The following SPHKAP variants were observed in gnomAD, a reference collection of about 807,000 sequenced individuals.
SPHKAP encodes the protein A-kinase anchor protein SPHKAP.
Under a neutral mutation model 137.5 loss-of-function variants are expected in SPHKAP, and 67 were observed. The observed-to-expected ratio is 0.49, with a 90% confidence interval of 0.40 to 0.60. The LOEUF (loss-of-function observed/expected upper bound fraction) is 0.60. Among genes scored for constraint, SPHKAP ranks in the 20% least tolerant of loss-of-function variants. The probability of loss-of-function intolerance (pLI) is 0.00; values close to 1 mark genes in which losing one functional copy is unlikely to be tolerated. For synonymous variants in SPHKAP, 813 were observed against 785.3 expected, an observed-to-expected ratio of 1.04 and a Z score of -0.59; for missense variants, 2,097 against 2,069.3, an observed-to-expected ratio of 1.01 and a Z score of -0.26.
rs1700913541 is a variant in SPHKAP at position 228,181,528 on chromosome 2, A to G, written c.32+39T>C. The G allele has an allele frequency of 1.9e-6, 3 of 1,614,088 alleles. No homozygotes were observed. The highest frequency in any genetic ancestry group is 1.7e-6 in the Non-Finnish European group (2 of 1,179,986). ...GACTCACAACGCGGAACGGAGTTTG[A>G]TCGACATGGTATTGGGCATAGAAAG... On this transcript the variant is annotated intron_variant, in intron 1 of 11. Transcript: ENST00000392056. The surrounding 1 kb of genome is among the most constrained non-coding windows in gnomAD (Gnocchi z 4.3).
At chr2:228,104,535 G>A (rs1013566171) in intron 3 of SPHKAP, among the ~76,000 whole-genome samples, 4 of 151,620 alleles carry the variant, frequency 2.6e-5, no homozygotes, top group East Asian at 1.9e-4. Context: ...TATAAAATAC[G>A]AATTATATGA....
intron 3 of SPHKAP, among the ~76,000 whole-genome samples, chr2:228,032,609 G>A (rs900831706): frequency 1.8e-4 from 27 of 152,298 alleles, no homozygotes; most frequent in Admixed American, 1.7e-3. Context: ...AGGAAAAAAT[G>A]TTAAGGGCAG....
chr2:228,093,802 GT>G (rs1323625052), intron 3 of SPHKAP, among the ~76,000 whole-genome samples: 69 of 139,106 alleles, frequency 5.0e-4, no homozygotes, highest in African/African-American at 1.8e-3. Context: ...AGAGGTTGCA[GT>G]GAGCCGAGAT....
chr2:228,134,838 T>A (rs1222669908), intron 1 of SPHKAP, among the ~76,000 whole-genome samples: 1 of 152,146 alleles, frequency 6.6e-6, no homozygotes, highest in Non-Finnish European at 1.5e-5. Context: ...ATGCAGGCCA[T>A]CCCTGGACTT....
intron 3 of SPHKAP, among the ~76,000 whole-genome samples, chr2:228,084,904 T>C (rs954757503): frequency 6.6e-6 from 1 of 152,218 alleles, no homozygotes; most frequent in Non-Finnish European, 1.5e-5. Context: ...TTGAAGCCTG[T>C]GGCATTGATT....
intron 2 of SPHKAP, among the ~76,000 whole-genome samples, chr2:228,110,196 T>C (rs1574857974): frequency 6.6e-6 from 1 of 151,978 alleles, no homozygotes; most frequent in East Asian, 1.9e-4. Flanking sequence ...TCTTTTTCTG[T>C]AAAGACAGAA....
At chr2:228,007,168 T>C (rs1694175208) in intron 7 of SPHKAP, among the ~76,000 whole-genome samples, 1 of 152,194 alleles carries the variant, frequency 6.6e-6, no homozygotes. Context: ...CTTTTGATCA[T>C]TTTTCAAGTT....
chr2:228,181,677 A>G lies in SPHKAP; in HGVS notation c.-79T>C, dbSNP rs1182278547. 3 of 1,613,520 alleles carry G rather than the reference A, an allele frequency of 1.9e-6. No homozygotes were observed. Among genetic ancestry groups the G allele is most frequent in the South Asian group, 1.1e-5 (1 of 91,076 alleles). On this transcript the variant is annotated 5_prime_UTR_variant, in exon 1 of 12. Transcript: ENST00000392056. The surrounding 1 kb of genome is among the most constrained non-coding windows in gnomAD (Gnocchi z 4.3). ...TGTGGTGCTAGGACCCAGCTCCCAG[A>G]GTGCCAGACTGGCGCGCGCCAGGAG...
Position 228,035,902 on chromosome 2 carries a change from C to A in SPHKAP, c.247-8359G>T, listed in dbSNP as rs10210779. Among the ~76,000 whole-genome samples the A allele has an allele frequency of 3.1e-3, 467 of 151,650 alleles. 8 individuals carry two copies. Among genetic ancestry groups the A allele is most frequent in the African/African-American group, 0.01 (419 of 41,290 alleles). ...TAATTCAAGATGGATTAAAGACTTA[C>A]ATGTTAGACCTAAAACCATAAAAAC... On this transcript the variant is annotated intron_variant, in intron 3 of 11. Transcript: ENST00000392056.
chr2:228,019,405 G>A lies in SPHKAP; in HGVS notation c.1449C>T (p.Leu483=), dbSNP rs377235532. 3.1e-6 allele frequency: 5 copies of A among 1,614,084 alleles called. No homozygotes were observed. The highest frequency in any genetic ancestry group is 1.7e-5 in the Admixed American group (1 of 60,012). ...GTTGTCTGCTGGAGTTCTCTCCAGA[G>A]AGGATGCTTGAGGTTTCAACAGAGA... The part of the protein sequence containing the change: ...MEVSVETSSI[L]SGENSSRQPQ... Residue 483 remains leucine (L), a synonymous_variant, in exon 7 of 12, where the codon CTC becomes CTT. Transcript: ENST00000392056.
chr2:228,080,351 T>C (rs1697322916), intron 3 of SPHKAP, among the ~76,000 whole-genome samples: 1 of 152,146 alleles, frequency 6.6e-6, no homozygotes, highest in South Asian at 2.1e-4. Flanking sequence ...GACATACAAA[T>C]GGACAACAAG....
At chr2:228,136,425 T>C (rs1699442019) in intron 1 of SPHKAP, among the ~76,000 whole-genome samples, 1 of 152,226 alleles carries the variant, frequency 6.6e-6, no homozygotes, top group Admixed American at 6.5e-5. Context: ...ATTTCATATA[T>C]TAATAAATGA....
intron 3 of SPHKAP, among the ~76,000 whole-genome samples, chr2:228,042,687 C>T (rs1025751678): frequency 1.3e-5 from 2 of 152,090 alleles, no homozygotes; most frequent in African/African-American, 4.8e-5. Flanking sequence ...TGGCTCCTTG[C>T]CTGTAATTAT....
At chr2:228,123,902 C>A (rs941262821) in intron 2 of SPHKAP, among the ~76,000 whole-genome samples, 1 of 152,080 alleles carries the variant, frequency 6.6e-6, no homozygotes, top group Non-Finnish European at 1.5e-5. Context: ...AATGAAACAA[C>A]CCCATCAAAA....
chr2:228,066,476 G>A (rs1696831246), intron 3 of SPHKAP, among the ~76,000 whole-genome samples: 1 of 152,242 alleles, frequency 6.6e-6, no homozygotes, highest in African/African-American at 2.4e-5. Context: ...GTGCCTATTT[G>A]AAGTTTATCC....
intron 1 of SPHKAP, among the ~76,000 whole-genome samples, 166 bp from the exon 2 acceptor site, chr2:228,132,251 C>A (rs895764396): frequency 6.6e-6 from 1 of 152,224 alleles, no homozygotes; most frequent in African/African-American, 2.4e-5. Flanking sequence ...GTTGCATACA[C>A]TTTTGTAATT....
In SPHKAP at chr2:228,019,694, G is replaced by A; in HGVS notation, c.1160C>T (p.Thr387Ile). 1 of 1,614,222 alleles carries A rather than the reference G, an allele frequency of 6.2e-7. No homozygotes were observed. The part of the protein sequence containing the change: ...ALPPRQDGEV[T>I]TGKYATNLAE... ...TAAATTTGTAGCATACTTGCCAGTG[G>A]TGACTTCTCCATCTTGTCTAGGAGG... The change falls in exon 7 of 12, where the codon ACC (threonine) becomes ATC (isoleucine). Residue 387 changes from threonine to isoleucine, a missense_variant. Transcript: ENST00000392056.
At chr2:228,179,248 A>G (rs1368809243) in intron 1 of SPHKAP, among the ~76,000 whole-genome samples, 1 of 152,208 alleles carries the variant, frequency 6.6e-6, no homozygotes, top group Admixed American at 6.5e-5. Flanking sequence ...CTTGGACATC[A>G]CAAGCCTTGA....
intron 1 of SPHKAP, among the ~76,000 whole-genome samples, chr2:228,143,713 C>T (rs1194941816): frequency 7.5e-6 from 1 of 134,048 alleles, no homozygotes; most frequent in East Asian, 2.3e-4. Context: ...ACCATGTTGG[C>T]CAGGCTAATC....
Sources: gnomAD v4.1 joint callset for allele counts (sites outside exome capture counted in the v4.1 genomes callset) on GRCh38, gnomAD v4.1.1 for gene constraint, Gnocchi (gnomAD v3.1) non-coding constraint, MANE v1.5 for transcripts, NCBI Gene and HGNC (gene_info 2026-07-23, HGNC 2026-07-21) for gene names.